Variants in BMAL2 observed in about 807,000 individuals in gnomAD.
BMAL2 encodes the protein basic helix-loop-helix ARNT-like protein 2.
chr12:27,365,555 A>G, the BMAL2 span, among the ~76,000 whole-genome samples: 2 of 152,000 alleles, frequency 1.3e-5, no homozygotes, highest in African/African-American at 4.8e-5. Context: ...TGTGTAAGGA[A>G]GAATATAGGA....
the BMAL2 span, among the ~76,000 whole-genome samples, chr12:27,401,006 C>T: frequency 6.6e-6 from 1 of 152,058 alleles, no homozygotes; most frequent in Non-Finnish European, 1.5e-5. Context: ...TGATCTGTGG[C>T]CACGATTTTA....
At chr12:27,380,892 G>A in the BMAL2 span, among the ~76,000 whole-genome samples, 7 of 151,956 alleles carry the variant, frequency 4.6e-5, no homozygotes. Flanking sequence ...AGGCTGAGGT[G>A]GGAGGATCGC....
the BMAL2 span, among the ~76,000 whole-genome samples, chr12:27,372,034 G>C: frequency 2.6e-5 from 4 of 152,142 alleles, no homozygotes; most frequent in Admixed American, 6.5e-5. Context: ...TTTGCAACCA[G>C]CCTGGGCAAC....
the BMAL2 span, among the ~76,000 whole-genome samples, chr12:27,358,233 A>T: frequency 3.7e-3 from 566 of 152,264 alleles, 4 homozygotes; most frequent in African/African-American, 0.013. Context: ...TGGGCTAAGG[A>T]CATTAATAGA....
At chr12:27,366,405 A>G in the BMAL2 span, among the ~76,000 whole-genome samples, 1 of 152,168 alleles carries the variant, frequency 6.6e-6, no homozygotes, top group Non-Finnish European at 1.5e-5. Context: ...AGATGTGTTA[A>G]AAATCTTCCA....
At chr12:27,371,611 G>C in the BMAL2 span, among the ~76,000 whole-genome samples, 26 of 152,114 alleles carry the variant, frequency 1.7e-4, no homozygotes, top group African/African-American at 5.3e-4. Context: ...AATGCAGTAG[G>C]AAAACTGAAG....
chr12:27,334,197 A>G, the BMAL2 span, among the ~76,000 whole-genome samples: 1 of 152,182 alleles, frequency 6.6e-6, no homozygotes, highest in Non-Finnish European at 1.5e-5. Flanking sequence ...TTGAAAATAG[A>G]AGATGGCACG....
chr12:27,347,507 T>A, the BMAL2 span, among the ~76,000 whole-genome samples: 1 of 152,118 alleles, frequency 6.6e-6, no homozygotes, highest in African/African-American at 2.4e-5. Flanking sequence ...TTGTTCACAG[T>A]AGGTGCTTGA....
chr12:27,403,690 A>G, the BMAL2 span: 1 of 459,106 alleles, frequency 2.2e-6, no homozygotes, highest in Non-Finnish European at 3.8e-6. Flanking sequence ...ACAAAAAGAT[A>G]TAAATTTTAT....
At chr12:27,378,325 T>C in the BMAL2 span, among the ~76,000 whole-genome samples, 7 of 152,328 alleles carry the variant, frequency 4.6e-5, no homozygotes, top group African/African-American at 1.7e-4. Flanking sequence ...GGTAGTGGTA[T>C]GAAAGGTACT....
chr12:27,411,130 T>C, the BMAL2 span, among the ~76,000 whole-genome samples: 1 of 152,140 alleles, frequency 6.6e-6, no homozygotes, highest in African/African-American at 2.4e-5. Flanking sequence ...TATTGTGTTT[T>C]TTTAAATTTT....
the BMAL2 span, among the ~76,000 whole-genome samples, chr12:27,379,807 G>GT: frequency 0.011 from 1,613 of 148,810 alleles, 29 homozygotes; most frequent in African/African-American, 0.036. Flanking sequence ...TAGTGAAAGG[G>GT]TTTTTTTTTT....
At chr12:27,389,158 G>A in the BMAL2 span, 2 of 1,458,146 alleles carry the variant, frequency 1.4e-6, no homozygotes, top group Middle Eastern at 1.7e-4. Context: ...GATTTTAAAT[G>A]AATGTCTACC....
chr12:27,378,936 G>A, the BMAL2 span, among the ~76,000 whole-genome samples: 3 of 152,096 alleles, frequency 2.0e-5, no homozygotes, highest in Non-Finnish European at 4.4e-5. Context: ...TAAACCAGGG[G>A]TATCCAATCG....
the BMAL2 span, among the ~76,000 whole-genome samples, chr12:27,359,842 GA>G: frequency 6.6e-6 from 1 of 151,942 alleles, no homozygotes; most frequent in Non-Finnish European, 1.5e-5. Flanking sequence ...TTTATTCCAT[GA>G]ACTGAACACC....
At chr12:27,339,688 G>A in the BMAL2 span, among the ~76,000 whole-genome samples, 3 of 151,040 alleles carry the variant, frequency 2.0e-5, no homozygotes, top group African/African-American at 7.3e-5. Context: ...GCAGTGGTGC[G>A]ATCTCTGCTC....
chr12:27,423,324 CTTTTTTTTTTTTTTTTT>C, the BMAL2 span: 1 of 85,920 alleles, frequency 1.2e-5, no homozygotes, highest in South Asian at 4.1e-4. Flanking sequence ...CTTTTCTTTT[CTTTTTTTTTTTTTTTTT>C]TTTTTTGAGA....
At chr12:27,343,981 A>C in the BMAL2 span, among the ~76,000 whole-genome samples, 1 of 152,214 alleles carries the variant, frequency 6.6e-6, no homozygotes, top group African/African-American at 2.4e-5. Flanking sequence ...GTTCTGTTAA[A>C]TAGTTAAAAT....
the BMAL2 span, among the ~76,000 whole-genome samples, chr12:27,371,879 C>T: frequency 6.6e-6 from 1 of 152,154 alleles, no homozygotes; most frequent in Admixed American, 6.5e-5. Flanking sequence ...TGTCCATAAA[C>T]AATAGCATTC....
Sources: gnomAD v4.1 joint callset for allele counts (sites outside exome capture counted in the v4.1 genomes callset) on GRCh38, gnomAD v4.1.1 for gene constraint, MANE v1.5 for transcripts, NCBI Gene and HGNC (gene_info 2026-07-23, HGNC 2026-07-21) for gene names.